The following ADAM22 variants were observed in gnomAD, a reference collection of about 807,000 sequenced individuals.
ADAM22 encodes the protein disintegrin and metalloproteinase domain-containing protein 22.
In ADAM22, 65 loss-of-function variants were observed where a neutral mutation model predicts 144.6. The observed-to-expected ratio is 0.45, with a 90% CI of 0.37 to 0.55. The LOEUF is 0.55. ADAM22 is among the 20% of genes least tolerant of loss of function. The pLI is 0.00. For missense variants in ADAM22, 974 were observed against 1,184.9 expected (o/e 0.82, Z 2.61); for synonymous variants, 391 against 412.6 (o/e 0.95, Z 0.63).
intron 24 of ADAM22, 52 bp downstream of exon 24, chr7:88,165,998 C>T (rs1220087918): frequency 7.4e-7 from 1 of 1,345,396 alleles, no homozygotes; most frequent in Non-Finnish European, 1.0e-6. Flanking sequence ...AAAGAGAAAG[C>T]TGCTCTCTGA....
intron 26 of ADAM22, among the ~76,000 whole-genome samples, chr7:88,177,098 A>T (rs1253461941): frequency 1.3e-5 from 2 of 152,222 alleles, no homozygotes; most frequent in Non-Finnish European, 2.9e-5. Flanking sequence ...GGTGAGGCAC[A>T]TCTCATCAGT....
chr7:88,155,973 T>C lies in ADAM22; in HGVS notation c.1874T>C (p.Leu625Ser). The change falls in exon 22 of 32, where the codon TTA (leucine) becomes TCA (serine). Residue 625 changes from leucine to serine, a missense_variant. Leu to Ser is a moderately radical substitution (Grantham distance 145). Coordinates refer to ENST00000413139, the MANE Select transcript of ADAM22 (RefSeq NM_001324418.2). ...GELDGEITST[L>S]VVQQGRTLNC... ...CTCGATGGTGAAATCACATCTACTT[T>C]AGTTGTGCAGCAAGGAAGAACATTA... The C allele has an allele frequency of 6.2e-7, 1 of 1,613,362 alleles. No homozygotes were observed. Among genetic ancestry groups the C allele is most frequent in the Non-Finnish European group, 8.5e-7 (1 of 1,179,532 alleles).
At chr7:88,115,065 G>T (rs780039103) in intron 6 of ADAM22, among the ~76,000 whole-genome samples, 1 of 152,066 alleles carries the variant, frequency 6.6e-6, no homozygotes, top group African/African-American at 2.4e-5. Context: ...GGCCAACTTG[G>T]TGAAACCCCG....
chr7:88,055,804 C>G (rs747877773), intron 3 of ADAM22, among the ~76,000 whole-genome samples: 1 of 152,132 alleles, frequency 6.6e-6, no homozygotes, highest in Non-Finnish European at 1.5e-5. Flanking sequence ...ATTTATGTGC[C>G]CTTTTAATTG....
chr7:88,164,434 G>A (rs1842490773), intron 23 of ADAM22, among the ~76,000 whole-genome samples: 1 of 151,840 alleles, frequency 6.6e-6, no homozygotes, highest in South Asian at 2.1e-4. Flanking sequence ...AATTATATTT[G>A]GGGTAATTTT....
chr7:88,022,914 A>T (rs1225922710), intron 3 of ADAM22, among the ~76,000 whole-genome samples: 1 of 152,226 alleles, frequency 6.6e-6, no homozygotes, highest in Non-Finnish European at 1.5e-5. Context: ...GGCACACACA[A>T]ACTATTGAAA....
chr7:88,125,809 A>G (rs1830272709), intron 8 of ADAM22, 150 bp downstream of exon 8: 1 of 550,494 alleles, frequency 1.8e-6, no homozygotes, highest in South Asian at 3.3e-5. Context: ...GATCTGAAGA[A>G]GCAGTAGAAA....
intron 17 of ADAM22, among the ~76,000 whole-genome samples, chr7:88,148,078 G>A (rs954342381): frequency 8.5e-5 from 13 of 152,262 alleles, no homozygotes; most frequent in Admixed American, 4.6e-4. Context: ...GGAGTTTATA[G>A]TGGGCAGTGC....
chr7:87,949,782 C>G (rs2131374534), intron 2 of ADAM22, among the ~76,000 whole-genome samples: 1 of 150,468 alleles, frequency 6.6e-6, no homozygotes, highest in Admixed American at 6.6e-5. Flanking sequence ...TATGGACTAA[C>G]AACCTAATCT....
At chr7:88,049,193 A>G (rs1805507983) in intron 3 of ADAM22, among the ~76,000 whole-genome samples, 1 of 152,192 alleles carries the variant, frequency 6.6e-6, no homozygotes, top group Non-Finnish European at 1.5e-5. Flanking sequence ...GCAGATTTCA[A>G]GCTCTTGGGA....
Position 88,196,755 on chromosome 7 carries a change from T to A in ADAM22, c.*264T>A. 2.0e-6 allele frequency: 1 copy of A among 501,278 alleles called. No homozygotes were observed. Among genetic ancestry groups the A allele is most frequent in the South Asian group, 2.5e-5 (1 of 39,524 alleles). 31.1% of individuals were successfully genotyped at this position (501,278 alleles called of 1,614,324 possible). ...ATAAAGGTACTGGTATGTTAATGGA[T>A]AATCCGCATGACAGATAATATGTAG... On this transcript the variant is annotated 3_prime_UTR_variant, in exon 32 of 32. Transcript: ENST00000413139.
At chr7:88,168,900 A>T (rs952541900) in intron 25 of ADAM22, among the ~76,000 whole-genome samples, 23 of 152,204 alleles carry the variant, frequency 1.5e-4, no homozygotes, top group African/African-American at 5.3e-4. Context: ...TTCATAGCAC[A>T]TTTTTCCTCA....
chr7:87,990,063 C>T (rs888256825), intron 3 of ADAM22, among the ~76,000 whole-genome samples: 6 of 152,032 alleles, frequency 3.9e-5, no homozygotes, highest in African/African-American at 1.4e-4. Context: ...CTCATTTATT[C>T]ATTCACTCAT....
chr7:88,153,156 C>A, intron 20 of ADAM22, 65 bp from the exon 21 acceptor site: 1 of 1,151,498 alleles, frequency 8.7e-7, no homozygotes, highest in Non-Finnish European at 1.3e-6. Context: ...TTTTTCTTTT[C>A]TGCAAAGCTT....
At chr7:87,945,073 A>G (rs1342912241) in intron 2 of ADAM22, among the ~76,000 whole-genome samples, 1 of 151,866 alleles carries the variant, frequency 6.6e-6, no homozygotes, top group Non-Finnish European at 1.5e-5. Flanking sequence ...ACTTCTCCCC[A>G]TTTTACAGTT....
intron 4 of ADAM22, among the ~76,000 whole-genome samples, chr7:88,085,091 G>A (rs1818063776): frequency 6.6e-6 from 1 of 152,220 alleles, no homozygotes; most frequent in African/African-American, 2.4e-5. Context: ...ATATTCTGAG[G>A]TATTAGGGGT....
intron 2 of ADAM22, among the ~76,000 whole-genome samples, chr7:87,953,053 T>C (rs199553235): frequency 2.0e-5 from 3 of 152,104 alleles, no homozygotes; most frequent in Non-Finnish European, 2.9e-5. Context: ...GTCTTGCTAG[T>C]GGTCTATCAA....
At position 88,056,409 on chromosome 7, in the gene ADAM22, C is replaced by T. The variant is rs190114625; in HGVS notation, c.324-19217C>T. Among the ~76,000 whole-genome samples the T allele has an allele frequency of 3.9e-5, 6 of 152,290 alleles. No individual in the cohort carries two copies. In the East Asian group the frequency reaches 7.7e-4, roughly 20 times the overall value. ...TTGTTTCAGGATCTCTTCTGTTCCT[C>T]AGTAGCTTAACATGAAGCCTTACCA... On this transcript the variant is annotated intron_variant, in intron 3 of 31. Coordinates refer to ENST00000413139, the MANE Select transcript of ADAM22 (RefSeq NM_001324418.2).
chr7:88,003,418 G>C (rs1465574489), intron 3 of ADAM22, among the ~76,000 whole-genome samples: 2 of 152,240 alleles, frequency 1.3e-5, no homozygotes, highest in Non-Finnish European at 2.9e-5. Flanking sequence ...AAGAGGCTCA[G>C]TGGTGCTGCT....
Sources: gnomAD v4.1 joint callset for allele counts (sites outside exome capture counted in the v4.1 genomes callset) on GRCh38, gnomAD v4.1.1 for gene constraint, MANE v1.5 for transcripts, NCBI Gene and HGNC (gene_info 2026-07-23, HGNC 2026-07-21) for gene names.